PTH2R: variants seen among roughly 807,000 people sequenced by gnomAD.
PTH2R encodes parathyroid hormone 2 receptor.
A neutral mutation model predicts 60.3 loss-of-function variants in PTH2R; 59 were observed. The ratio of observed to expected loss-of-function variants is 0.98; its 90% CI spans 0.79 to 1.22. The LOEUF is 1.22. Among genes scored for constraint, PTH2R ranks in the 50% most tolerant of loss-of-function variants. The pLI is 0.00. For synonymous variants in PTH2R, 256 were observed against 243.8 expected, an observed-to-expected ratio of 1.05 and a Z score of -0.47; for missense variants, 749 against 682.6, an observed-to-expected ratio of 1.10 and a Z score of -1.08.
chr2:208,463,775 A>G (rs1702679643), intron 9 of PTH2R, among the ~76,000 whole-genome samples: 1 of 152,260 alleles, frequency 6.6e-6, no homozygotes, highest in South Asian at 2.1e-4. Flanking sequence ...CAATAAAGCT[A>G]ACACATTCTA....
At chr2:208,486,542 G>A (rs1296680252) in intron 10 of PTH2R, among the ~76,000 whole-genome samples, 2 of 152,256 alleles carry the variant, frequency 1.3e-5, no homozygotes, top group East Asian at 1.9e-4. Context: ...TTTTGAGAAC[G>A]GTCTCTGGGA....
chr2:208,475,400 C>A (rs959574977), intron 9 of PTH2R, among the ~76,000 whole-genome samples: 5 of 151,784 alleles, frequency 3.3e-5, no homozygotes, highest in African/African-American at 4.8e-5. Flanking sequence ...TTAAAGCAAC[C>A]CTTAACTGGC....
intron 1 of PTH2R, among the ~76,000 whole-genome samples, chr2:208,396,408 C>T (rs1408820177): frequency 6.6e-6 from 1 of 152,074 alleles, no homozygotes; most frequent in Non-Finnish European, 1.5e-5. Context: ...TTGCAATCTG[C>T]CCATCTGACA....
At chr2:208,476,012 T>C (rs1702994799) in intron 9 of PTH2R, among the ~76,000 whole-genome samples, 2 of 152,194 alleles carry the variant, frequency 1.3e-5, no homozygotes, top group Non-Finnish European at 2.9e-5. Context: ...TTTAAATAAA[T>C]GTTTTGTTTT....
chr2:208,489,216 C>A, intron 11 of PTH2R, 66 bp downstream of exon 11: 5 of 1,591,752 alleles, frequency 3.1e-6, no homozygotes, highest in Non-Finnish European at 3.4e-6. Flanking sequence ...TGGTCACTTA[C>A]AACCTTTTTC....
intron 4 of PTH2R, among the ~76,000 whole-genome samples, chr2:208,440,529 A>G (rs1031563493): frequency 7.9e-5 from 12 of 152,314 alleles, no homozygotes; most frequent in African/African-American, 2.9e-4. Context: ...TAGATGCAAA[A>G]TTAATAATTT....
At chr2:208,490,581 GCTT>G in intron 11 of PTH2R, 55 bp from the exon 12 acceptor site, 3 of 1,558,268 alleles carry the variant, frequency 1.9e-6, no homozygotes, top group Non-Finnish European at 8.7e-7. Flanking sequence ...GGCACAAGAT[GCTT>G]AAGTGCTGTG....
intron 1 of PTH2R, among the ~76,000 whole-genome samples, chr2:208,408,765 A>AGAGAGAGAG (rs58469801): frequency 1.3e-5 from 2 of 150,810 alleles, no homozygotes; most frequent in East Asian, 1.9e-4. Flanking sequence ...AGAGAGAGAG[A>AGAGAGAGAG]AATAAATAAT....
intron 9 of PTH2R, among the ~76,000 whole-genome samples, chr2:208,479,027 C>T (rs1490241118): frequency 6.6e-6 from 1 of 152,122 alleles, no homozygotes; most frequent in Non-Finnish European, 1.5e-5. Flanking sequence ...TCCAGCTGTT[C>T]TCGCATGTAT....
intron 1 of PTH2R, among the ~76,000 whole-genome samples, chr2:208,412,142 A>C (rs910583761): frequency 6.6e-6 from 1 of 152,180 alleles, no homozygotes; most frequent in Non-Finnish European, 1.5e-5. Context: ...TCTTCATAAC[A>C]CTGATAGCTG....
In PTH2R at chr2:208,384,786, T is replaced by C. The variant is rs533259494; in HGVS notation, c.-259+24549T>C. On this transcript the variant is annotated intron_variant, in intron 1 of 12. Coordinates refer to the PTH2R transcript ENST00000617735. ...TTTGCTGCATAAACATCTGTGGTCA[T>C]CTAGGGAATGCCTGACCTGGTTCAG... Among the ~76,000 whole-genome samples, 98 of 152,334 alleles carry C rather than the reference T, an allele frequency of 6.4e-4. 2 individuals carry two copies. In the South Asian group the frequency reaches 8.1e-3, roughly 13 times the overall value.
intron 1 of PTH2R, among the ~76,000 whole-genome samples, chr2:208,372,250 A>T (rs1249968480): frequency 1.3e-5 from 2 of 152,080 alleles, no homozygotes; most frequent in Non-Finnish European, 2.9e-5. Context: ...GCACTGTTAG[A>T]TTATCCCATG....
intron 2 of PTH2R, among the ~76,000 whole-genome samples, chr2:208,431,386 C>G (rs939017371): frequency 1.3e-5 from 2 of 152,114 alleles, no homozygotes; most frequent in African/African-American, 4.8e-5. Flanking sequence ...TGCTGACCAC[C>G]ACACATGGTG....
intron 7 of PTH2R, among the ~76,000 whole-genome samples, chr2:208,446,617 G>A (rs547249807): frequency 5.9e-5 from 9 of 152,242 alleles, no homozygotes; most frequent in African/African-American, 1.9e-4. Context: ...TCTGTCTTCT[G>A]ACTTTCTCTT....
chr2:208,393,257 T>A (rs1349264115), intron 1 of PTH2R, among the ~76,000 whole-genome samples: 1 of 152,062 alleles, frequency 6.6e-6, no homozygotes, highest in Non-Finnish European at 1.5e-5. Flanking sequence ...GATGCCTGTG[T>A]GATAAACTTG....
chr2:208,381,701 C>T (rs1220999756), intron 1 of PTH2R, among the ~76,000 whole-genome samples: 1 of 152,214 alleles, frequency 6.6e-6, no homozygotes, highest in South Asian at 2.1e-4. Flanking sequence ...AGGTAGACTC[C>T]TAAAATGACT....
intron 1 of PTH2R, among the ~76,000 whole-genome samples, chr2:208,361,772 TTA>T (rs35454660): frequency 2.6e-5 from 4 of 151,736 alleles, no homozygotes; most frequent in Non-Finnish European, 5.9e-5. Flanking sequence ...TTTTTTTTTT[TTA>T]AAAAAAAGGA....
chr2:208,377,127 G>A (rs1700808063), intron 1 of PTH2R, among the ~76,000 whole-genome samples: 1 of 151,962 alleles, frequency 6.6e-6, no homozygotes, highest in African/African-American at 2.4e-5. Flanking sequence ...ATCTTGCATG[G>A]CCCTTAATCC....
intron 1 of PTH2R, among the ~76,000 whole-genome samples, chr2:208,362,507 T>C (rs1559197850): frequency 6.6e-6 from 1 of 152,236 alleles, no homozygotes; most frequent in African/African-American, 2.4e-5. Context: ...TGTCTCATGA[T>C]ATCTATATAG....
Sources: gnomAD v4.1 joint callset for allele counts (sites outside exome capture counted in the v4.1 genomes callset) on GRCh38, gnomAD v4.1.1 for gene constraint, MANE v1.5 for transcripts, NCBI Gene and HGNC (gene_info 2026-07-23, HGNC 2026-07-21) for gene names.